The following MCM7 variants were observed in gnomAD, a reference collection of about 807,000 sequenced individuals.
MCM7 encodes DNA replication licensing factor MCM7.
Under a neutral mutation model 83.5 loss-of-function variants are expected in MCM7, and 95 were observed. The observed-to-expected ratio is 1.14, with a 90% CI of 0.96 to 1.35. The LOEUF (loss-of-function observed/expected upper bound fraction) is 1.35. Ranked by LOEUF, MCM7 falls within the 40% of genes most tolerant of loss-of-function variation. MCM7 has a pLI of 0.00. For missense variants in MCM7, 1,087 were observed against 957.4 expected (o/e 1.14, Z -1.79); for synonymous variants, 461 against 352.7 (o/e 1.31, Z -3.44).
intron 6 of MCM7, 138 bp downstream of exon 6, chr7:100,098,437 AGGC>A: frequency 6.7e-7 from 1 of 1,494,210 alleles, no homozygotes; most frequent in South Asian, 1.3e-5. Context: ...CCCCTTCCCA[AGGC>A]TCCCAGGAAA....
In MCM7 at chr7:100,099,150, A is replaced by G; in HGVS notation, c.455T>C (p.Val152Ala). Residue 152 changes from valine (V) to alanine (A), a missense_variant, in exon 5 of 15, where the codon GTG (valine) becomes GCG (alanine). Val to Ala is a moderately conservative substitution (Grantham distance 64). Transcript: ENST00000303887. ...SSNKPRVIRE[V>A]RADSVGKLVT... ...CAACTTCCCCACAGAGTCAGCCCGCACTTCCCGGATCACACGAGGCTTGTT... is the reference window on the plus strand; with the variant it reads ...CAACTTCCCCACAGAGTCAGCCCGCGCTTCCCGGATCACACGAGGCTTGTT... 6.2e-7 allele frequency: 1 copy of G among 1,614,102 alleles called. No homozygotes were observed.
At chr7:100,096,302 C>A in intron 10 of MCM7, 135 bp from the exon 11 acceptor site, 1 of 845,874 alleles carries the variant, frequency 1.2e-6, no homozygotes, top group Non-Finnish European at 1.8e-6. Flanking sequence ...TCTTGAGATG[C>A]CCGAGGATCT....
rs1305567788 is a variant in MCM7 at position 100,098,396 on chromosome 7, A to G, written c.721-106T>C. On this transcript the variant is annotated intron_variant, in intron 6 of 14. Transcript: ENST00000303887. ...CTCCCAGGCTACCCAGCCACAGACA[A>G]GCCCACAGCAGGGGTGCTGAGACCT... 12 of 1,502,148 alleles carry G rather than the reference A, an allele frequency of 8.0e-6. No individual in the cohort carries two copies. In the East Asian group the frequency reaches 1.8e-4, roughly 23 times the overall value. 93.1% of individuals were successfully genotyped at this position (1,502,148 alleles called of 1,614,324 possible). A position where few individuals can be genotyped will look rare whatever the true frequency, so the allele number is the denominator to read the frequency against.
intron 13 of MCM7, chr7:100,093,792 C>G (rs759778302): frequency 5.3e-5 from 33 of 617,258 alleles, no homozygotes. Context: ...AGTGCTAGCT[C>G]AGCAGTAGGT....
chr7:100,101,270 C>A lies in MCM7; in HGVS notation c.25G>T (p.Glu9Ter). 1.2e-6 allele frequency: 2 copies of A among 1,613,288 alleles called. No individual in the cohort carries two copies. Among genetic ancestry groups the A allele is most frequent in the South Asian group, 1.1e-5 (1 of 91,086 alleles). The change falls in exon 1 of 15, where the codon GAG becomes TAG. Residue 9 changes from glutamate to a stop codon, truncating the protein, a stop_gained. Coordinates refer to ENST00000303887, the MANE Select transcript of MCM7 (RefSeq NM_005916.5). LOFTEE classifies it high-confidence loss of function. Reference protein sequence around the residue: MALKDYALEKEKVKKFLQE... With the variant: MALKDYAL The stretch of plus-strand genomic sequence containing the variant: ...CGGGCTCGTAGACCCGTACCCTTCT[C>A]TAGCGCGTAGTCCTTCAGTGCCATC...
Position 100,099,191 on chromosome 7 carries a change from A to G in MCM7, c.414T>C (p.Phe138=), listed in dbSNP as rs1420788319. The G allele has an allele frequency of 6.2e-7, 1 of 1,614,134 alleles. No homozygotes were observed. The highest frequency in any genetic ancestry group is 1.7e-5 in the Admixed American group (1 of 60,022). ...AELMRRFELY[F]QGPSSNKPRV... is the part of the protein sequence containing the mutation. ...GAGGCTTGTTGCTGCTAGGGCCTTG[A>G]AAATACAGCTCACTAAGGGGAGAAA... Residue 138 remains phenylalanine, a synonymous_variant, in exon 5 of 15, where the codon TTT becomes TTC. Transcript: ENST00000303887.
At chr7:100,099,980 G>A (rs764816034) in intron 2 of MCM7, 34 bp downstream of exon 2, 13 of 1,582,686 alleles carry the variant, frequency 8.2e-6, no homozygotes, top group Non-Finnish European at 1.0e-5. Context: ...TAAGCACCCC[G>A]CTCCCCATTC....
At chr7:100,096,667 C>T (rs533651604) in intron 10 of MCM7, among the ~76,000 whole-genome samples, 37 of 151,944 alleles carry the variant, frequency 2.4e-4, no homozygotes, top group African/African-American at 8.2e-4. Flanking sequence ...CCCAGCTACT[C>T]GGGAGGCCGA....
At chr7:100,101,088 C>T (rs1361739888) in intron 1 of MCM7, 176 bp downstream of exon 1, 1 of 779,444 alleles carries the variant, frequency 1.3e-6, no homozygotes. Context: ...TCGATGGCCC[C>T]CCGCACGCTT....
chr7:100,094,393 G>T, intron 12 of MCM7, 52 bp from the exon 13 acceptor site: 1 of 1,602,528 alleles, frequency 6.2e-7, no homozygotes. Context: ...GGAAGGGAGT[G>T]AATATGAGCC....
At chr7:100,093,516 A>T in intron 13 of MCM7, 115 bp from the exon 14 acceptor site, 1 of 934,994 alleles carries the variant, frequency 1.1e-6, no homozygotes, top group Non-Finnish European at 1.8e-6. Context: ...CCTACTCACA[A>T]AACAGGAGTG....
In MCM7 at chr7:100,099,697, G is replaced by A. The variant is rs766294931; in HGVS notation, c.168C>T (p.Ala56=). 9 of 1,613,998 alleles carry A rather than the reference G, an allele frequency of 5.6e-6. No individual in the cohort carries two copies. The highest frequency in any genetic ancestry group is 2.2e-5 in the East Asian group (1 of 44,902). ...AGTCCACCAACTCGGGGTCATCCTC[G>A]GCTACGTCGTCCAGGTCCACATACA... ...VALYVDLDDV[A]EDDPELVDSI... The change falls in exon 3 of 15, where the codon GCC becomes GCT. Residue 56 remains alanine, a synonymous_variant. Transcript: ENST00000303887.
rs771556191 is a variant in MCM7 at position 100,099,321 on chromosome 7, C to T, written c.359G>A (p.Arg120Gln). 1.1e-5 allele frequency: 18 copies of T among 1,613,526 alleles called. No individual in the cohort carries two copies. Among genetic ancestry groups the T allele is most frequent in the South Asian group, 3.3e-5 (3 of 91,046 alleles). The change falls in exon 4 of 15, where the codon CGA becomes CAA. Residue 120 changes from arginine to glutamine, a missense_variant. Transcript: ENST00000303887. Reference sequence around the variant, plus strand: ...AGCAGGGTACTGGTTCTGGGGGCTTCGGACCATCCCAGGGTCCCGACTCCG... The same window carrying T: ...AGCAGGGTACTGGTTCTGGGGGCTTTGGACCATCCCAGGGTCCCGACTCCG... ...EQRSRDPGMV[R>Q]SPQNQYPAEL...
rs2307355 is a variant in MCM7, at chr7:100,095,929, G to A, written c.1440C>T (p.Ala480=). 70,053 of 1,613,974 alleles carry A rather than the reference G, an allele frequency of 0.043. 1,611 individuals carry two copies. Among genetic ancestry groups the A allele is most frequent in the Middle Eastern group, 0.055 (336 of 6,060 alleles). ...AKAGILTTLN[A]RCSILAAANP... ...TGGCGGCAGCCAGGATGGAGCAGCG[G>A]GCATTGAGTGTGGTGAGAATGCCGG... The change falls in exon 11 of 15, where the codon GCC becomes GCT. Residue 480 remains alanine, a synonymous_variant. Transcript: ENST00000303887.
At chr7:100,101,180 C>T in intron 1 of MCM7, 84 bp downstream of exon 1, 2 of 1,554,258 alleles carry the variant, frequency 1.3e-6, no homozygotes, top group Non-Finnish European at 1.8e-6. Context: ...CGACCCCGGT[C>T]CCCCAAGACC....
At chr7:100,101,197 C>A in intron 1 of MCM7, 67 bp downstream of exon 1, 1 of 1,593,104 alleles carries the variant, frequency 6.3e-7, no homozygotes, top group South Asian at 1.1e-5. Context: ...GACCCCAGCT[C>A]ACACCAACAG....
intron 6 of MCM7, 81 bp from the exon 7 acceptor site, chr7:100,098,371 C>G (rs532472843): frequency 3.2e-6 from 5 of 1,549,396 alleles, no homozygotes; most frequent in Non-Finnish European, 4.4e-6. Flanking sequence ...CACTCAAAGG[C>G]TCCCAGGCTA....
intron 7 of MCM7, 62 bp downstream of exon 7, chr7:100,098,079 G>A (rs1164739375): frequency 1.3e-6 from 2 of 1,591,680 alleles, no homozygotes; most frequent in East Asian, 2.2e-5. Context: ...TCTCTGTGTG[G>A]GTAGAATGAG....
chr7:100,093,665 T>C (rs1433852962), intron 13 of MCM7: 2 of 723,352 alleles, frequency 2.8e-6, no homozygotes, highest in Non-Finnish European at 5.2e-6. Flanking sequence ...TCAGCTGTCC[T>C]GTGAGGGAGA....
Sources: gnomAD v4.1 joint callset for allele counts (sites outside exome capture counted in the v4.1 genomes callset) on GRCh38, gnomAD v4.1.1 for gene constraint, MANE v1.5 for transcripts, NCBI Gene and HGNC (gene_info 2026-07-23, HGNC 2026-07-21) for gene names.